ANKRD11: variants seen among roughly 807,000 people sequenced by gnomAD.
ANKRD11 encodes the protein ankyrin repeat domain 11, also known as ankyrin repeat domain-containing protein 11.
In ANKRD11, 17 loss-of-function variants were observed where a neutral mutation model predicts 195.7. The ratio of observed to expected loss-of-function variants is 0.09; its 90% CI spans 0.06 to 0.13. ANKRD11 has a LOEUF of 0.13. ANKRD11 is among the 10% of genes least tolerant of loss of function. The pLI, the probability that ANKRD11 is intolerant of heterozygous loss-of-function variation, is 1.00. For synonymous variants in ANKRD11, 1,953 were observed against 1,528.1 expected (o/e 1.28, Z -6.49); for missense variants, 3,735 against 3,566.1 (o/e 1.05, Z -1.21).
At position 89,367,795 on chromosome 16, in the gene ANKRD11, T is replaced by G. The variant is rs546881448; in HGVS notation, c.-60+50489A>C. On this transcript the variant is annotated intron_variant, in intron 2 of 12. Coordinates refer to ENST00000301030, the MANE Select transcript of ANKRD11 (RefSeq NM_013275.6). ...GCTGCCTCTTGCAAACTATGACTTG[T>G]TCAAAAGCAGGTGGGGAGCCTGGGC... is the stretch of plus-strand genomic sequence containing the variant. Among the ~76,000 whole-genome samples, 5 of 152,228 alleles carry G rather than the reference T, an allele frequency of 3.3e-5. No individual in the cohort carries two copies. In the South Asian group the frequency reaches 1.0e-3, roughly 32 times the overall value.
intron 2 of ANKRD11, chr16:89,361,467 A>T (rs1320805502): frequency 1.3e-5 from 2 of 152,294 alleles, no homozygotes; most frequent in Non-Finnish European, 2.9e-5. Flanking sequence ...GGTTTGTGCC[A>T]GTCCACCTGT....
rs1036123800 is a variant in ANKRD11, at chr16:89,305,044, G to A, written c.226+162C>T. The A allele has an allele frequency of 3.6e-6, 4 of 1,097,702 alleles. No individual in the cohort carries two copies. The African/African-American group carries it at 6.3e-5, about 17-fold the overall frequency. 68.0% of individuals were successfully genotyped at this position (1,097,702 alleles called of 1,614,324 possible). A position where few individuals can be genotyped will look rare whatever the true frequency, so the allele number is the denominator to read the frequency against. On this transcript the variant is annotated intron_variant, in intron 4 of 12. Coordinates refer to ENST00000301030, the MANE Select transcript of ANKRD11 (RefSeq NM_013275.6). ...CGGGTGCAAAGGAGGTGGCATGTGGGGGCCTGTGCTCCGCCCCTGCTGCCT... is the reference window on the plus strand; with the variant it reads ...CGGGTGCAAAGGAGGTGGCATGTGGAGGCCTGTGCTCCGCCCCTGCTGCCT...
At chr16:89,317,899 C>A (rs1466529820) in intron 2 of ANKRD11, among the ~76,000 whole-genome samples, 2 of 152,298 alleles carry the variant, frequency 1.3e-5, no homozygotes, top group Non-Finnish European at 2.9e-5. Flanking sequence ...CACCTTCTTA[C>A]CCAAGTTCAC....
At position 89,370,206 on chromosome 16, in the gene ANKRD11, C is replaced by A. The variant is rs181264875; in HGVS notation, c.-60+48078G>T. On this transcript the variant is annotated intron_variant, in intron 2 of 12. Coordinates refer to ENST00000301030, the MANE Select transcript of ANKRD11 (RefSeq NM_013275.6). Reference sequence around the variant, plus strand: ...CCCTGGAGCTGGGGTGGAGCTGCTTCTTCTCAGGACTCAGGCGAGGGGAGC... The same window carrying A: ...CCCTGGAGCTGGGGTGGAGCTGCTTATTCTCAGGACTCAGGCGAGGGGAGC... Among the ~76,000 whole-genome samples the A allele has an allele frequency of 1.1e-3, 164 of 152,362 alleles. 2 individuals carry two copies. Among genetic ancestry groups the A allele is most frequent in the Non-Finnish European group, 4.0e-4 (27 of 68,036 alleles).
chr16:89,414,651 A>T (rs759336798), intron 2 of ANKRD11, among the ~76,000 whole-genome samples: 1 of 152,200 alleles, frequency 6.6e-6, no homozygotes, highest in African/African-American at 2.4e-5. Flanking sequence ...GGAGAGTGGA[A>T]GGGAGGGGCC....
intron 2 of ANKRD11, among the ~76,000 whole-genome samples, chr16:89,397,097 TACAG>T (rs1003350010): frequency 6.6e-6 from 1 of 152,206 alleles, no homozygotes; most frequent in African/African-American, 2.4e-5. Flanking sequence ...GGAATTGGTA[TACAG>T]ACATTTTCCA....
At chr16:89,488,589 C>T (rs2057700007) in intron 1 of ANKRD11, among the ~76,000 whole-genome samples, 1 of 152,150 alleles carries the variant, frequency 6.6e-6, no homozygotes. Flanking sequence ...AAGAAACAGC[C>T]TCAGGGTCTC....
At chr16:89,342,021 G>A (rs1227478008) in intron 2 of ANKRD11, among the ~76,000 whole-genome samples, 2 of 59,354 alleles carry the variant, frequency 3.4e-5, no homozygotes, top group African/African-American at 5.1e-5. Context: ...CGGGAGTGCT[G>A]CACCTCCACT....
intron 2 of ANKRD11, among the ~76,000 whole-genome samples, chr16:89,398,545 C>T (rs2041560581): frequency 6.6e-6 from 1 of 152,132 alleles, no homozygotes; most frequent in African/African-American, 2.4e-5. Context: ...AGGGAGACCC[C>T]ATCTCTTAAA....
At chr16:89,339,787 A>ATAAG (rs2038566208) in intron 2 of ANKRD11, 1 of 152,234 alleles carries the variant, frequency 6.6e-6, no homozygotes, top group African/African-American at 2.4e-5. Flanking sequence ...AGCCCCTTAT[A>ATAAG]TAAGCCCCAC....
intron 2 of ANKRD11, among the ~76,000 whole-genome samples, chr16:89,343,063 C>T (rs1057167526): frequency 1.5e-4 from 23 of 152,216 alleles, no homozygotes; most frequent in Non-Finnish European, 8.8e-5. Flanking sequence ...TGTTGTCACC[C>T]AGGCTGGAGT....
chr16:89,319,028 T>G (rs2151926531), intron 2 of ANKRD11, among the ~76,000 whole-genome samples: 1 of 152,394 alleles, frequency 6.6e-6, no homozygotes, highest in Middle Eastern at 3.4e-3. Context: ...AGCTCATGGC[T>G]GTCTAGAAAC....
chr16:89,449,296 T>C (rs752844646), intron 1 of ANKRD11, among the ~76,000 whole-genome samples: 30 of 151,460 alleles, frequency 2.0e-4, no homozygotes, highest in Non-Finnish European at 4.1e-4. Context: ...GGTGGGGTGG[T>C]CGAGGCTACA....
chr16:89,468,525 C>A (rs939881524), intron 1 of ANKRD11, among the ~76,000 whole-genome samples: 1 of 152,070 alleles, frequency 6.6e-6, no homozygotes, highest in Non-Finnish European at 1.5e-5. Context: ...GCCAACATGT[C>A]GAAATCCTGT....
intron 3 of ANKRD11, among the ~76,000 whole-genome samples, chr16:89,307,614 C>A (rs2036365951): frequency 1.3e-5 from 2 of 152,232 alleles, no homozygotes; most frequent in Non-Finnish European, 2.9e-5. Context: ...TTAACACCCA[C>A]CCCAGCAGTG....
intron 2 of ANKRD11, among the ~76,000 whole-genome samples, chr16:89,407,484 C>G (rs2041952364): frequency 6.6e-6 from 1 of 152,128 alleles, no homozygotes; most frequent in Admixed American, 6.6e-5. Flanking sequence ...CCACGTTCGC[C>G]TCGTCAGGGC....
Position 89,282,425 on chromosome 16 carries a change from T to C in ANKRD11, c.4117A>G (p.Lys1373Glu), listed in dbSNP as rs376874848. Residue 1373 changes from lysine to glutamate, a missense_variant, in exon 9 of 13, where the codon AAG becomes GAG. Physicochemically the swap from Lys to Glu is moderately conservative, Grantham distance 56. Coordinates refer to ENST00000301030, the MANE Select transcript of ANKRD11 (RefSeq NM_013275.6). ...RERAKKEKAE[K>E]KEKGEDYKEG... ...TTGTAATCTTCGCCCTTCTCTTTCT[T>C]CTCGGCCTTCTCTTTCTTGGCTCGC... The C allele has an allele frequency of 2.5e-6, 4 of 1,614,000 alleles. No individual in the cohort carries two copies. Among genetic ancestry groups the C allele is most frequent in the Non-Finnish European group, 3.4e-6 (4 of 1,180,014 alleles).
At position 89,406,809 on chromosome 16, in the gene ANKRD11, C is replaced by T. The variant is rs1015643849; in HGVS notation, c.-60+11475G>A. 7.2e-5 allele frequency among the ~76,000 whole-genome samples: 11 copies of T among 152,124 alleles called. No homozygotes were observed. The East Asian group carries it at 7.7e-4, about 11-fold the overall frequency. ...CTTGTGTCCAGGACAGGGTGCCCTC[C>T]GGGAGGCAGCAGAAAGGACAGCTGT... On this transcript the variant is annotated intron_variant, in intron 2 of 12. Coordinates refer to ENST00000301030, the MANE Select transcript of ANKRD11 (RefSeq NM_013275.6).
intron 1 of ANKRD11, among the ~76,000 whole-genome samples, chr16:89,435,795 T>TTC (rs1555578664): frequency 1.1e-4 from 8 of 74,386 alleles, no homozygotes; most frequent in South Asian, 3.9e-4. Context: ...CCACCAGCTC[T>TTC]TCACACACAC....
Sources: gnomAD v4.1 joint callset for allele counts (sites outside exome capture counted in the v4.1 genomes callset) on GRCh38, gnomAD v4.1.1 for gene constraint, MANE v1.5 for transcripts, NCBI Gene and HGNC (gene_info 2026-07-23, HGNC 2026-07-21) for gene names.